SAMD9L: variants seen among roughly 807,000 people sequenced by gnomAD.
SAMD9L encodes sterile alpha motif domain containing 9 like, also known as sterile alpha motif domain-containing protein 9-like.
SAMD9L carries 68 observed loss-of-function variants against 90.7 expected under a neutral mutation model. The observed-to-expected ratio is 0.75, with a 90% CI of 0.62 to 0.92. The LOEUF is 0.92. Among genes scored for constraint, SAMD9L ranks in the 40% least tolerant of loss-of-function variants. The pLI is 0.00. For synonymous variants in SAMD9L, 640 were observed against 630.1 expected (o/e 1.02, Z -0.23); for missense variants, 1,604 against 1,824.3 (o/e 0.88, Z 2.20).
chr7:93,143,155 A>G (rs1485062260), intron 4 of SAMD9L, among the ~76,000 whole-genome samples: 3 of 152,192 alleles, frequency 2.0e-5, no homozygotes, highest in Admixed American at 6.5e-5. Flanking sequence ...CCATGGAGAT[A>G]GAAACACCCT....
rs1231041194 is a variant in SAMD9L at position 93,134,525 on chromosome 7, T to C, written c.1447A>G (p.Lys483Glu). ...TGGTAAAGATTAAGAGTAGAAATCT[T>C]CTCCCACATGTTAGTTGTCTTGTCT... ...YEDKTTNMWE[K>E]ISTLNLYQQP... Residue 483 changes from lysine to glutamate, a missense_variant, in exon 5 of 5, where the codon AAG (lysine) becomes GAG (glutamate). By Grantham distance (56) the Lys-to-Glu change is moderately conservative. Transcript: ENST00000318238. 3 of 1,613,908 alleles carry C rather than the reference T, an allele frequency of 1.9e-6. No individual in the cohort carries two copies. The highest frequency in any genetic ancestry group is 2.5e-6 in the Non-Finnish European group (3 of 1,179,896).
At chr7:93,137,745 T>G (rs887441475) in intron 4 of SAMD9L, among the ~76,000 whole-genome samples, 16 of 150,774 alleles carry the variant, frequency 1.1e-4, no homozygotes, top group African/African-American at 3.6e-4. Flanking sequence ...TTTTTTTTTT[T>G]TTTTTTTTTT....
chr7:93,148,305 T>C lies in SAMD9L; in HGVS notation c.-1154A>G, dbSNP rs543701760. On this transcript the variant is annotated 5_prime_UTR_variant, in exon 1 of 5. Coordinates refer to ENST00000318238, the MANE Select transcript of SAMD9L (RefSeq NM_152703.5). ...GGCTAGGAGACATGAAGTGTAAGGA[T>C]CCTTTTTTAAAAACTGAGGCATTAA... The C allele has an allele frequency of 2.3e-4, 35 of 152,288 alleles. No individual in the cohort carries two copies. The highest frequency in any genetic ancestry group is 2.1e-3 in the Admixed American group (32 of 15,298). 9.4% of individuals were successfully genotyped at this position (152,288 alleles called of 1,614,324 possible). A position where few individuals can be genotyped will look rare whatever the true frequency, so the allele number is the denominator to read the frequency against.
chr7:93,142,123 A>G (rs1047083002), intron 4 of SAMD9L, among the ~76,000 whole-genome samples: 2 of 152,120 alleles, frequency 1.3e-5, no homozygotes, highest in African/African-American at 2.4e-5. Context: ...CTCAAATTCA[A>G]TAAGGCCTTT....
At chr7:93,141,171 CT>C (rs1487863526) in intron 4 of SAMD9L, among the ~76,000 whole-genome samples, 1 of 152,202 alleles carries the variant, frequency 6.6e-6, no homozygotes, top group African/African-American at 2.4e-5. Context: ...ACTACCTTTC[CT>C]GATTTTTCCT....
rs771454708 is a variant in SAMD9L, at chr7:93,131,551, G to C, written c.4421C>G (p.Thr1474Arg). ...CTTCCTTTTGCCCAGATAGAAAAGTGTGCTTGCCTGCTTGGACCTGCACAT... is the reference window on the plus strand; with the variant it reads ...CTTCCTTTTGCCCAGATAGAAAAGTCTGCTTGCCTGCTTGGACCTGCACAT... The part of the protein sequence containing the change: ...KRMCRSKQAS[T>R]LFYLGKRKGL... Residue 1474 changes from threonine (T) to arginine (R), a missense_variant, in exon 5 of 5, where the codon ACA (threonine) becomes AGA (arginine). Physicochemically the swap from Thr to Arg is moderately conservative, Grantham distance 71. Around this residue, in one of 7 missense-constraint regions of SAMD9L, gnomAD observed 282 missense variants for 329.6 expected, o/e 0.86. Transcript: ENST00000318238. 6.2e-6 allele frequency: 10 copies of C among 1,613,968 alleles called. No homozygotes were observed. Among genetic ancestry groups the C allele is most frequent in the Non-Finnish European group, 8.5e-6 (10 of 1,179,904 alleles).
In SAMD9L at chr7:93,133,366, A is replaced by G. The variant is rs1405356621; in HGVS notation, c.2606T>C (p.Phe869Ser). 5.6e-6 allele frequency: 9 copies of G among 1,613,630 alleles called. No individual in the cohort carries two copies. Among genetic ancestry groups the G allele is most frequent in the South Asian group, 4.4e-5 (4 of 91,032 alleles). ...TTCAATTTCCTTCAGTTTGGCACCA[A>G]AAGCTCTTTGTTCCTTGGAAGAAAG... Reference protein sequence around the residue: ...YQLSSKEQRAFGAKLKEIEKQ... With the variant: ...YQLSSKEQRASGAKLKEIEKQ... The change falls in exon 5 of 5, where the codon TTT (phenylalanine) becomes TCT (serine). Residue 869 changes from phenylalanine to serine, a missense_variant. By Grantham distance (155) the Phe-to-Ser change is radical. Transcript: ENST00000318238.
At chr7:93,138,155 C>T (rs935657690) in intron 4 of SAMD9L, among the ~76,000 whole-genome samples, 14 of 152,110 alleles carry the variant, frequency 9.2e-5, no homozygotes, top group Admixed American at 3.3e-4. Flanking sequence ...ACGCTATAAA[C>T]GTATTTTAGA....
Position 93,134,307 on chromosome 7 carries a change from G to A in SAMD9L, c.1665C>T (p.Ser555=), listed in dbSNP as rs771667940. 5 of 1,612,608 alleles carry A rather than the reference G, an allele frequency of 3.1e-6. No homozygotes were observed. Among genetic ancestry groups the A allele is most frequent in the Admixed American group, 1.7e-5 (1 of 59,760 alleles). The change falls in exon 5 of 5, where the codon AGC becomes AGT. Residue 555 remains serine (S), a synonymous_variant. Transcript: ENST00000318238. The part of the protein sequence containing the change: ...VVFLLLSSVE[S]PGDPLIETFW... ...AAGTTTCAATGAGTGGATCTCCTGG[G>A]CTTTCCACTGAAGAGAGTAATAGAA...
intron 1 of SAMD9L, among the ~76,000 whole-genome samples, chr7:93,147,788 A>G (rs1792949877): frequency 1.3e-5 from 2 of 152,232 alleles, no homozygotes; most frequent in Admixed American, 1.3e-4. Context: ...ACTTTGATAA[A>G]ATGTAAAAGT....
chr7:93,139,740 G>T (rs909967258), intron 4 of SAMD9L, among the ~76,000 whole-genome samples: 1 of 152,082 alleles, frequency 6.6e-6, no homozygotes, highest in Non-Finnish European at 1.5e-5. Flanking sequence ...CAATAAATAC[G>T]GTTACTGAGA....
intron 4 of SAMD9L, among the ~76,000 whole-genome samples, chr7:93,140,618 A>G (rs1292626473): frequency 2.0e-5 from 3 of 152,228 alleles, no homozygotes; most frequent in Non-Finnish European, 4.4e-5. Flanking sequence ...TTAAACCGGC[A>G]GAATTGAAGG....
chr7:93,139,635 T>A (rs1230859410), intron 4 of SAMD9L, among the ~76,000 whole-genome samples: 2 of 152,196 alleles, frequency 1.3e-5, no homozygotes, highest in Non-Finnish European at 2.9e-5. Flanking sequence ...TCCCTGCCAA[T>A]AGCTTGATCT....
intron 4 of SAMD9L, among the ~76,000 whole-genome samples, chr7:93,136,707 C>T (rs1337476074): frequency 6.6e-6 from 1 of 152,202 alleles, no homozygotes. Flanking sequence ...GAAGATCCTA[C>T]AACTATGTAC....
At position 93,131,326 on chromosome 7, in the gene SAMD9L, A is replaced by G. The variant is rs376491227; in HGVS notation, c.4646T>C (p.Ile1549Thr). Residue 1549 changes from isoleucine (I) to threonine (T), a missense_variant, in exon 5 of 5, where the codon ATA becomes ACA. Transcript: ENST00000318238. ...GTEEKIKIPV[I>T]SVYSGPLRSG... Reference sequence around the variant, plus strand: ...TCTGAGTGGACCTGAATAAACAGATATTACTGGTATTTTTATTTTTTCCTC... The same window carrying G: ...TCTGAGTGGACCTGAATAAACAGATGTTACTGGTATTTTTATTTTTTCCTC... 8 of 1,613,232 alleles carry G rather than the reference A, an allele frequency of 5.0e-6. No individual in the cohort carries two copies. Among genetic ancestry groups the G allele is most frequent in the Middle Eastern group, 3.3e-4 (2 of 6,076 alleles).
chr7:93,131,297 C>T lies in SAMD9L; in HGVS notation c.4675G>A (p.Gly1559Ser). ...ISVYSGPLRS[G>S]RNIERVSFYL... is the part of the protein sequence containing the mutation. The stretch of plus-strand genomic sequence containing the variant: ...AAAGACACTCTTTCTATGTTCCTAC[C>T]ACTTCTGAGTGGACCTGAATAAACA... The change falls in exon 5 of 5, where the codon GGT (glycine) becomes AGT (serine). Residue 1559 changes from glycine (G) to serine (S), a missense_variant. By Grantham distance (56) the Gly-to-Ser change is moderately conservative. This residue lies in a region of SAMD9L where 282 missense variants were observed against 329.6 expected (regional missense o/e 0.86). Transcript: ENST00000318238. The T allele has an allele frequency of 1.2e-6, 2 of 1,612,082 alleles. No individual in the cohort carries two copies. Among genetic ancestry groups the T allele is most frequent in the Non-Finnish European group, 1.7e-6 (2 of 1,179,222 alleles).
rs761741703 is a variant in SAMD9L, at chr7:93,134,377, A to G, written c.1595T>C (p.Leu532Pro). The G allele has an allele frequency of 6.2e-7, 1 of 1,612,648 alleles. No homozygotes were observed. Among genetic ancestry groups the G allele is most frequent in the Non-Finnish European group, 8.5e-7 (1 of 1,179,660 alleles). The stretch of plus-strand genomic sequence containing the variant: ...TCTTGTCATTATATTTTCATCTGTG[A>G]GAAATAAAATTAGTTTCCTGACTTC... ...ASEVRKLILFLTDENIMTRGK... is the reference protein window; with the variant it reads ...ASEVRKLILFPTDENIMTRGK... Residue 532 changes from leucine to proline, a missense_variant, in exon 5 of 5, where the codon CTC (leucine) becomes CCC (proline). By Grantham distance (98) the Leu-to-Pro change is moderately conservative (BLOSUM62 -3). Coordinates refer to ENST00000318238, the MANE Select transcript of SAMD9L (RefSeq NM_152703.5).
Position 93,135,489 on chromosome 7 carries a change from C to G in SAMD9L, c.483G>C (p.Leu161Phe). 6.2e-7 allele frequency: 1 copy of G among 1,614,108 alleles called. No homozygotes were observed. The highest frequency in any genetic ancestry group is 8.5e-7 in the Non-Finnish European group (1 of 1,179,984). The change falls in exon 5 of 5, where the codon TTG (leucine) becomes TTC (phenylalanine). Residue 161 changes from leucine to phenylalanine, a missense_variant. Coordinates refer to ENST00000318238, the MANE Select transcript of SAMD9L (RefSeq NM_152703.5). Reference sequence around the variant, plus strand: ...GATCAAAAGGATATGGCATACAAGTCAATTGTTCAGGTTTTAGCTTACCCT... The same window carrying G: ...GATCAAAAGGATATGGCATACAAGTGAATTGTTCAGGTTTTAGCTTACCCT... ...KKKGKLKPEQ[L>F]TCMPYPFDQF...
chr7:93,137,267 A>G (rs1405524183), intron 4 of SAMD9L, among the ~76,000 whole-genome samples: 1 of 152,188 alleles, frequency 6.6e-6, no homozygotes, highest in African/African-American at 2.4e-5. Flanking sequence ...GCAAAGCTTC[A>G]TCTGTATTTA....
Sources: allele counts gnomAD v4.1 joint callset (sites outside exome capture counted in the v4.1 genomes callset), GRCh38; gene constraint gnomAD v4.1.1; regional missense constraint gnomAD v4.1.1; transcripts MANE v1.5; gene names NCBI Gene and HGNC (gene_info 2026-07-23, HGNC 2026-07-21).